FRAT2: variants seen among roughly 807,000 people sequenced by gnomAD.
The protein encoded by FRAT2 is GSK-3-binding protein FRAT2.
For synonymous variants in FRAT2, 205 were observed against 171.5 expected (o/e 1.20, Z -1.53); for missense variants, 326 against 340.8 (o/e 0.96, Z 0.34).
In FRAT2 at chr10:97,332,934, AAAGAGACTC is replaced by A. The variant is rs1188009315; in HGVS notation, c.*928_*936del. The A allele has an allele frequency of 2.6e-5, 4 of 152,400 alleles. No homozygotes were observed. In the East Asian group the frequency reaches 7.7e-4, roughly 29 times the overall value. 9.4% of individuals were successfully genotyped at this position (152,400 alleles called of 1,614,324 possible). On this transcript the variant is annotated 3_prime_UTR_variant, in exon 1 of 1. Transcript: ENST00000371019. ...AAGAAAGCTCAGCTGGGAGGACAAG[AAAGAGACTC>A]AAGAGATCGTTTATGACTGTTTCTG...
In FRAT2 at chr10:97,334,192, G is replaced by C. The variant is rs979690798; in HGVS notation, c.381C>G (p.Pro127=). 17 of 1,300,526 alleles carry C rather than the reference G, an allele frequency of 1.3e-5. No individual in the cohort carries two copies. In the East Asian group the frequency reaches 4.7e-4, roughly 36 times the overall value. 80.6% of individuals were successfully genotyped at this position (1,300,526 alleles called of 1,614,324 possible). A position where few individuals can be genotyped will look rare whatever the true frequency, so the allele number is the denominator to read the frequency against. ...CTGCGGCGACCTCCGCCACGCAGTAGGGCGCAGCGCGTCCGCGCACGCGGC... is the reference window on the plus strand; with the variant it reads ...CTGCGGCGACCTCCGCCACGCAGTACGGCGCAGCGCGTCCGCGCACGCGGC... The part of the protein sequence containing the change: ...DRGRVRGRAA[P]YCVAEVAAGP... Residue 127 remains proline, a synonymous_variant, in exon 1 of 1, where the codon CCC becomes CCG. Transcript: ENST00000371019.
rs112885971 is a variant in FRAT2 at position 97,333,010 on chromosome 10, C to G, written c.*861G>C. 1 of 152,010 alleles carries G rather than the reference C, an allele frequency of 6.6e-6. No homozygotes were observed. Among genetic ancestry groups the G allele is most frequent in the African/African-American group, 2.4e-5 (1 of 41,358 alleles). The allele number at this position is 152,010 out of a possible 1,614,324, so 9.4% of individuals were successfully genotyped here. A position where few individuals can be genotyped will look rare whatever the true frequency, so the allele number is the denominator to read the frequency against. On this transcript the variant is annotated 3_prime_UTR_variant, in exon 1 of 1. Coordinates refer to ENST00000371019, the MANE Select transcript of FRAT2 (RefSeq NM_012083.3). ...GGCCATGAGTGGCCTTCCGGGAGTC[C>G]TGTAAAAAGGAAAGCACAGAAAACA...
Position 97,334,562 on chromosome 10 carries a change from C to A in FRAT2, c.11G>T (p.Arg4Leu), listed in dbSNP as rs942702148. 4 of 1,463,820 alleles carry A rather than the reference C, an allele frequency of 2.7e-6. No homozygotes were observed. Among genetic ancestry groups the A allele is most frequent in the Non-Finnish European group, 3.6e-6 (4 of 1,108,284 alleles). 90.7% of individuals were successfully genotyped at this position (1,463,820 alleles called of 1,614,324 possible). A position where few individuals can be genotyped will look rare whatever the true frequency, so the allele number is the denominator to read the frequency against. Residue 4 changes from arginine (R) to leucine (L), a missense_variant, in exon 1 of 1, where the codon CGG becomes CTG. Arg to Leu is a moderately radical substitution (Grantham distance 102). Coordinates refer to ENST00000371019, the MANE Select transcript of FRAT2 (RefSeq NM_012083.3). ...GCCGGCTTCCTCTTCCTCCTCCCTC[C>A]GGCACGGCATGGCCCCCCGTCCTGG... is the stretch of plus-strand genomic sequence containing the variant. The part of the protein sequence containing the change: MPC[R>L]REEEEEAGEE...
At position 97,333,680 on chromosome 10, in the gene FRAT2, C is replaced by T; in HGVS notation, c.*191G>A. ...GCACCCTGGCGCATACATTTCTCCA[C>T]GCTTAAGTTTTCTCCGACGGCCTCG... is the stretch of plus-strand genomic sequence containing the variant. On this transcript the variant is annotated 3_prime_UTR_variant, in exon 1 of 1. Coordinates refer to ENST00000371019, the MANE Select transcript of FRAT2 (RefSeq NM_012083.3). 1 of 557,680 alleles carries T rather than the reference C, an allele frequency of 1.8e-6. No individual in the cohort carries two copies. Among genetic ancestry groups the T allele is most frequent in the Non-Finnish European group, 2.9e-6 (1 of 341,626 alleles). 34.5% of individuals were successfully genotyped at this position (557,680 alleles called of 1,614,324 possible). A position where few individuals can be genotyped will look rare whatever the true frequency, so the allele number is the denominator to read the frequency against.
In FRAT2 at chr10:97,334,597, C is replaced by A. The variant is rs1843560393; in HGVS notation, c.-25G>T. The A allele has an allele frequency of 5.8e-6, 8 of 1,387,440 alleles. No individual in the cohort carries two copies. Among genetic ancestry groups the A allele is most frequent in the Admixed American group, 2.8e-5 (1 of 35,130 alleles). The allele number at this position is 1,387,440 out of a possible 1,614,324, so 85.9% of individuals were successfully genotyped here. A position where few individuals can be genotyped will look rare whatever the true frequency, so the allele number is the denominator to read the frequency against. ...TGGCCCCCCGTCCTGGCACCCGGAG[C>A]TGTGCGGGCTTCGCTGGGGGCTTGG... is the stretch of plus-strand genomic sequence containing the variant. On this transcript the variant is annotated 5_prime_UTR_variant, in exon 1 of 1. Coordinates refer to ENST00000371019, the MANE Select transcript of FRAT2 (RefSeq NM_012083.3).
chr10:97,334,616 G>C lies in FRAT2; in HGVS notation c.-44C>G. ...CCGGAGCTGTGCGGGCTTCGCTGGG[G>C]GCTTGGTTGCCCGCGGGCGCGGAGC... On this transcript the variant is annotated 5_prime_UTR_variant, in exon 1 of 1. Transcript: ENST00000371019. 1 of 1,321,610 alleles carries C rather than the reference G, an allele frequency of 7.6e-7. No homozygotes were observed. Among genetic ancestry groups the C allele is most frequent in the Non-Finnish European group, 9.7e-7 (1 of 1,031,480 alleles). The allele number at this position is 1,321,610 out of a possible 1,614,324, so 81.9% of individuals were successfully genotyped here.
rs762620758 is a variant in FRAT2, at chr10:97,334,088, C to T, written c.485G>A (p.Arg162Gln). ...AVTSRRLQQR[R>Q]WTQAGARAGD... ...GGCGCGTGCCCCGGCTTGGGTCCAT[C>T]GGCGCTGCTGCAAGCGGCGGGAGGT... The change falls in exon 1 of 1, where the codon CGA becomes CAA. Residue 162 changes from arginine to glutamine, a missense_variant. Arg to Gln is a conservative substitution (Grantham distance 43). Coordinates refer to ENST00000371019, the MANE Select transcript of FRAT2 (RefSeq NM_012083.3). The T allele has an allele frequency of 5.7e-6, 9 of 1,591,206 alleles. No homozygotes were observed. The African/African-American group carries it at 9.4e-5, about 17-fold the overall frequency.
Position 97,334,641 on chromosome 10 carries a change from C to T in FRAT2, c.-69G>A, listed in dbSNP as rs1843561052. On this transcript the variant is annotated 5_prime_UTR_variant, in exon 1 of 1. Coordinates refer to ENST00000371019, the MANE Select transcript of FRAT2 (RefSeq NM_012083.3). ...GGCTTGGTTGCCCGCGGGCGCGGAGCTGCGGGCGAAGCCGGAGCAGGGGCG... is the reference window on the plus strand; with the variant it reads ...GGCTTGGTTGCCCGCGGGCGCGGAGTTGCGGGCGAAGCCGGAGCAGGGGCG... The T allele has an allele frequency of 2.3e-6, 3 of 1,301,348 alleles. No individual in the cohort carries two copies. The highest frequency in any genetic ancestry group is 9.8e-7 in the Non-Finnish European group (1 of 1,021,556). The allele number at this position is 1,301,348 out of a possible 1,614,324, so 80.6% of individuals were successfully genotyped here.
Position 97,333,661 on chromosome 10 carries a change from T to G in FRAT2, c.*210A>C. 2.0e-6 allele frequency: 1 copy of G among 496,464 alleles called. No individual in the cohort carries two copies. The highest frequency in any genetic ancestry group is 3.4e-5 in the East Asian group (1 of 29,730). The allele number at this position is 496,464 out of a possible 1,614,324, so 30.8% of individuals were successfully genotyped here. On this transcript the variant is annotated 3_prime_UTR_variant, in exon 1 of 1. Transcript: ENST00000371019. ...ATTCTCATGCCCCACGGAAGCACCC[T>G]GGCGCATACATTTCTCCACGCTTAA...
Position 97,333,624 on chromosome 10 carries a change from A to C in FRAT2, c.*247T>G. On this transcript the variant is annotated 3_prime_UTR_variant, in exon 1 of 1. Coordinates refer to ENST00000371019, the MANE Select transcript of FRAT2 (RefSeq NM_012083.3). ...GTTTATCCCAGGTCCTTGGGCTTGG[A>C]TGGCCCGGGAAATTCTCATGCCCCA... is the stretch of plus-strand genomic sequence containing the variant. 2.3e-6 allele frequency: 1 copy of C among 439,738 alleles called. No individual in the cohort carries two copies. Among genetic ancestry groups the C allele is most frequent in the Non-Finnish European group, 4.0e-6 (1 of 249,336 alleles). 27.2% of individuals were successfully genotyped at this position (439,738 alleles called of 1,614,324 possible). A position where few individuals can be genotyped will look rare whatever the true frequency, so the allele number is the denominator to read the frequency against.
rs777319973 is a variant in FRAT2, at chr10:97,333,650, C to T, written c.*221G>A. On this transcript the variant is annotated 3_prime_UTR_variant, in exon 1 of 1. Transcript: ENST00000371019. ...TGGCCCGGGAAATTCTCATGCCCCA[C>T]GGAAGCACCCTGGCGCATACATTTC... 8.5e-6 allele frequency: 4 copies of T among 468,048 alleles called. No individual in the cohort carries two copies. The highest frequency in any genetic ancestry group is 1.5e-5 in the Non-Finnish European group (4 of 270,590). 29.0% of individuals were successfully genotyped at this position (468,048 alleles called of 1,614,324 possible).
rs775834984 is a variant in FRAT2, at chr10:97,334,064, G to A, written c.509C>T (p.Ala170Val). ...GAGCCGATGCGGGTCGTCGTCGCCG[G>A]CGCGTGCCCCGGCTTGGGTCCATCG... Reference protein sequence around the residue: ...QRRWTQAGARAGDDDPHRLLQ... With the variant: ...QRRWTQAGARVGDDDPHRLLQ... Residue 170 changes from alanine (A) to valine (V), a missense_variant, in exon 1 of 1, where the codon GCC becomes GTC. Ala to Val is a moderately conservative substitution (Grantham distance 64, BLOSUM62 0). Transcript: ENST00000371019. The A allele has an allele frequency of 1.9e-6, 3 of 1,594,918 alleles. No individual in the cohort carries two copies. The highest frequency in any genetic ancestry group is 2.7e-5 in the African/African-American group (2 of 74,754).
Position 97,334,436 on chromosome 10 carries a change from T to TGGGCCACCAGCC in FRAT2, c.125_136dup (p.Arg42_Ala45dup). On this transcript the variant is annotated inframe_insertion, in exon 1 of 1. Transcript: ENST00000371019. ...GTCCAGCTGCAGCGTCTCGCCGATC[T>TGGGCCACCAGCC]GGGCCACCAGCCGGTCCACCTCGCC... 6.8e-7 allele frequency: 1 copy of TGGGCCACCAGCC among 1,474,434 alleles called. No individual in the cohort carries two copies. Among genetic ancestry groups the TGGGCCACCAGCC allele is most frequent in the Non-Finnish European group, 9.0e-7 (1 of 1,116,112 alleles). The allele number at this position is 1,474,434 out of a possible 1,614,324, so 91.3% of individuals were successfully genotyped here. A position where few individuals can be genotyped will look rare whatever the true frequency, so the allele number is the denominator to read the frequency against.
At position 97,333,968 on chromosome 10, in the gene FRAT2, G is replaced by A; in HGVS notation, c.605C>T (p.Ala202Val). The A allele has an allele frequency of 6.3e-7, 1 of 1,580,632 alleles. No individual in the cohort carries two copies. The highest frequency in any genetic ancestry group is 8.5e-7 in the Non-Finnish European group (1 of 1,171,210). ...AVRRLQRAVA[A>V]VAATGPASAP... ...GCTTGCGGGGCCCGTGGCTGCAACC[G>A]CGGCGACGGCTCGTTGGAGTCTCCG... The change falls in exon 1 of 1, where the codon GCG (alanine) becomes GTG (valine). Residue 202 changes from alanine to valine, a missense_variant. Coordinates refer to ENST00000371019, the MANE Select transcript of FRAT2 (RefSeq NM_012083.3).
chr10:97,333,957 T>C lies in FRAT2; in HGVS notation c.616A>G (p.Thr206Ala), dbSNP rs1843549692. ...LQRAVAAVAA[T>A]GPASAPGPGG... ...GGCCCAGGGGCGCTTGCGGGGCCCGTGGCTGCAACCGCGGCGACGGCTCGT... is the reference window on the plus strand; with the variant it reads ...GGCCCAGGGGCGCTTGCGGGGCCCGCGGCTGCAACCGCGGCGACGGCTCGT... The change falls in exon 1 of 1, where the codon ACG becomes GCG. Residue 206 changes from threonine to alanine, a missense_variant. Physicochemically the swap from Thr to Ala is moderately conservative, Grantham distance 58. Transcript: ENST00000371019. 1 of 1,578,616 alleles carries C rather than the reference T, an allele frequency of 6.3e-7. No individual in the cohort carries two copies. Among genetic ancestry groups the C allele is most frequent in the Non-Finnish European group, 8.5e-7 (1 of 1,169,880 alleles).
Position 97,334,666 on chromosome 10 carries a change from G to A in FRAT2, c.-94C>T. The A allele has an allele frequency of 1.6e-6, 2 of 1,274,528 alleles. No individual in the cohort carries two copies. The highest frequency in any genetic ancestry group is 3.2e-5 in the East Asian group (1 of 31,560). The allele number at this position is 1,274,528 out of a possible 1,614,324, so 79.0% of individuals were successfully genotyped here. A position where few individuals can be genotyped will look rare whatever the true frequency, so the allele number is the denominator to read the frequency against. On this transcript the variant is annotated 5_prime_UTR_variant, in exon 1 of 1. Transcript: ENST00000371019. ...CTGCGGGCGAAGCCGGAGCAGGGGC[G>A]GACGCGGAAGCCGGAGCCCGCCAGG... is the stretch of plus-strand genomic sequence containing the variant.
In FRAT2 at chr10:97,334,610, G is replaced by T. The variant is rs1202113651; in HGVS notation, c.-38C>A. 2 of 1,354,608 alleles carry T rather than the reference G, an allele frequency of 1.5e-6. No individual in the cohort carries two copies. The highest frequency in any genetic ancestry group is 3.1e-5 in the East Asian group (1 of 32,306). The allele number at this position is 1,354,608 out of a possible 1,614,324, so 83.9% of individuals were successfully genotyped here. Reference sequence around the variant, plus strand: ...TGGCACCCGGAGCTGTGCGGGCTTCGCTGGGGGCTTGGTTGCCCGCGGGCG... The same window carrying T: ...TGGCACCCGGAGCTGTGCGGGCTTCTCTGGGGGCTTGGTTGCCCGCGGGCG... On this transcript the variant is annotated 5_prime_UTR_variant, in exon 1 of 1. Coordinates refer to ENST00000371019, the MANE Select transcript of FRAT2 (RefSeq NM_012083.3).
Position 97,334,286 on chromosome 10 carries a change from G to A in FRAT2, c.287C>T (p.Pro96Leu), listed in dbSNP as rs1442567466. ...GCCCACCGTCTCAGCCGAAGCGGGCGGCAGCAGCAGCGGCACCGCCGGGGG... is the reference window on the plus strand; with the variant it reads ...GCCCACCGTCTCAGCCGAAGCGGGCAGCAGCAGCAGCGGCACCGCCGGGGG... The part of the protein sequence containing the change: ...ARPPAVPLLL[P>L]PASAETVGPA... Residue 96 changes from proline to leucine, a missense_variant, in exon 1 of 1, where the codon CCG (proline) becomes CTG (leucine). Coordinates refer to ENST00000371019, the MANE Select transcript of FRAT2 (RefSeq NM_012083.3). 28 of 1,159,308 alleles carry A rather than the reference G, an allele frequency of 2.4e-5. No homozygotes were observed. Among genetic ancestry groups the A allele is most frequent in the African/African-American group, 4.9e-5 (3 of 61,352 alleles). The allele number at this position is 1,159,308 out of a possible 1,614,324, so 71.8% of individuals were successfully genotyped here. A position where few individuals can be genotyped will look rare whatever the true frequency, so the allele number is the denominator to read the frequency against.
chr10:97,333,656 C>T lies in FRAT2; in HGVS notation c.*215G>A, dbSNP rs141115026. ...GGGAAATTCTCATGCCCCACGGAAG[C>T]ACCCTGGCGCATACATTTCTCCACG... is the stretch of plus-strand genomic sequence containing the variant. On this transcript the variant is annotated 3_prime_UTR_variant, in exon 1 of 1. Coordinates refer to ENST00000371019, the MANE Select transcript of FRAT2 (RefSeq NM_012083.3). The T allele has an allele frequency of 1.7e-4, 83 of 474,914 alleles. No homozygotes were observed. The highest frequency in any genetic ancestry group is 1.6e-3 in the Middle Eastern group (3 of 1,848). 29.4% of individuals were successfully genotyped at this position (474,914 alleles called of 1,614,324 possible).
Sources: allele counts gnomAD v4.1 joint callset, GRCh38; gene constraint gnomAD v4.1.1; transcripts MANE v1.5; gene names NCBI Gene and HGNC (gene_info 2026-07-23, HGNC 2026-07-21).